The following FBXL13 variants were observed in gnomAD, a reference collection of about 807,000 sequenced individuals.
The protein encoded by FBXL13 is F-box and leucine rich repeat protein 13, also known as F-box and leucine-rich repeat protein 13.
A neutral mutation model predicts 83.6 loss-of-function variants in FBXL13; 67 were observed. The ratio of observed to expected loss-of-function variants is 0.80; its 90% CI spans 0.66 to 0.98. FBXL13 has a LOEUF of 0.98. FBXL13 is among the 50% of genes least tolerant of loss of function. The pLI, the probability that FBXL13 is intolerant of heterozygous loss-of-function variation, is 0.00. For missense variants in FBXL13, 822 were observed against 866.5 expected (o/e 0.95, Z 0.64); for synonymous variants, 272 against 299.5 (o/e 0.91, Z 0.95).
At chr7:102,837,834 C>T (rs953729977) in intron 17 of FBXL13, among the ~76,000 whole-genome samples, 3 of 152,236 alleles carry the variant, frequency 2.0e-5, no homozygotes, top group Admixed American at 1.3e-4. Flanking sequence ...TGAGCCACTA[C>T]GCCCAGGCAA....
chr7:103,015,952 A>G (rs1156931099), intron 6 of FBXL13, among the ~76,000 whole-genome samples: 2 of 152,214 alleles, frequency 1.3e-5, no homozygotes, highest in Non-Finnish European at 2.9e-5. Flanking sequence ...GCTATAACCA[A>G]GGAGGTGAAA....
chr7:102,963,074 T>C (rs2129479503), intron 8 of FBXL13, among the ~76,000 whole-genome samples: 1 of 150,222 alleles, frequency 6.7e-6, no homozygotes. Flanking sequence ...ATCCCAGCAC[T>C]TTGGGAGGCC....
chr7:102,872,310 T>C (rs1398543278), intron 16 of FBXL13, among the ~76,000 whole-genome samples: 1 of 152,202 alleles, frequency 6.6e-6, no homozygotes, highest in Non-Finnish European at 1.5e-5. Context: ...AGCATTTTTT[T>C]CCTTCATTCA....
intron 6 of FBXL13, among the ~76,000 whole-genome samples, chr7:103,007,359 A>G (rs1246457782): frequency 6.6e-6 from 1 of 152,046 alleles, no homozygotes; most frequent in African/African-American, 2.4e-5. Flanking sequence ...AAAAAGACAC[A>G]CTACTTACAA....
intron 17 of FBXL13, among the ~76,000 whole-genome samples, chr7:102,851,140 A>G (rs1805151683): frequency 6.6e-6 from 1 of 152,050 alleles, no homozygotes; most frequent in African/African-American, 2.4e-5. Flanking sequence ...TATTCTTACT[A>G]CCTTAACATT....
chr7:102,861,843 A>G (rs1364835499), intron 16 of FBXL13, among the ~76,000 whole-genome samples: 1 of 151,888 alleles, frequency 6.6e-6, no homozygotes, highest in African/African-American at 2.4e-5. Flanking sequence ...TTATCCGGGC[A>G]TGGTGGCAGG....
At chr7:103,008,968 T>C (rs1791286715) in intron 6 of FBXL13, among the ~76,000 whole-genome samples, 1 of 152,158 alleles carries the variant, frequency 6.6e-6, no homozygotes, top group Non-Finnish European at 1.5e-5. Context: ...AATAAAAGCA[T>C]ACTCTTGTTA....
chr7:102,964,465 C>T (rs1182182452), intron 7 of FBXL13, among the ~76,000 whole-genome samples: 10 of 150,004 alleles, frequency 6.7e-5, no homozygotes, highest in African/African-American at 2.0e-4. Flanking sequence ...TGCAGTGGCA[C>T]GATCTTGGCT....
chr7:103,048,186 G>C (rs1442773529), intron 2 of FBXL13, among the ~76,000 whole-genome samples: 1 of 152,040 alleles, frequency 6.6e-6, no homozygotes, highest in Non-Finnish European at 1.5e-5. Context: ...CCATTTTAAA[G>C]CTGAAATTTA....
chr7:102,878,743 G>A (rs888126199), intron 14 of FBXL13, among the ~76,000 whole-genome samples: 21 of 152,110 alleles, frequency 1.4e-4, no homozygotes, highest in African/African-American at 4.8e-4. Flanking sequence ...GGGTTAAAAA[G>A]TGATCAAGTT....
chr7:102,838,397 T>G (rs1802371595), intron 17 of FBXL13, among the ~76,000 whole-genome samples: 1 of 152,086 alleles, frequency 6.6e-6, no homozygotes, highest in Non-Finnish European at 1.5e-5. Context: ...TTGTATGCAC[T>G]GCTTCTCTGT....
chr7:103,032,688 T>C (rs902328578), intron 2 of FBXL13, among the ~76,000 whole-genome samples: 3 of 152,236 alleles, frequency 2.0e-5, no homozygotes, highest in African/African-American at 7.2e-5. Context: ...TGGGATAACA[T>C]TGGCCTAAAT....
At chr7:103,005,765 G>C (rs1790923968) in intron 6 of FBXL13, among the ~76,000 whole-genome samples, 1 of 151,950 alleles carries the variant, frequency 6.6e-6, no homozygotes, top group African/African-American at 2.4e-5. Flanking sequence ...TTCAAATATA[G>C]TACATTGAGG....
At chr7:102,905,176 G>A (rs1032571271) in intron 11 of FBXL13, among the ~76,000 whole-genome samples, 1 of 152,122 alleles carries the variant, frequency 6.6e-6, no homozygotes, top group African/African-American at 2.4e-5. Context: ...TTGCTTTTCT[G>A]TCTGGAAGAT....
At chr7:102,938,335 A>T (rs527915915) in intron 8 of FBXL13, among the ~76,000 whole-genome samples, 29 of 152,340 alleles carry the variant, frequency 1.9e-4, no homozygotes, top group Middle Eastern at 3.4e-3. Context: ...CTACAGCTTG[A>T]ACAATAGTTA....
intron 1 of FBXL13, among the ~76,000 whole-genome samples, chr7:103,073,837 C>T (rs920232314): frequency 2.6e-5 from 4 of 152,180 alleles, no homozygotes; most frequent in Non-Finnish European, 5.9e-5. Flanking sequence ...AGGACCTCCT[C>T]TTTCTTTCCC....
At chr7:102,883,870 C>T (rs1023333166) in intron 12 of FBXL13, among the ~76,000 whole-genome samples, 185 bp from the exon 14 acceptor site, 11 of 151,972 alleles carry the variant, frequency 7.2e-5, no homozygotes, top group Admixed American at 6.6e-5. Flanking sequence ...GTGGAGGAAT[C>T]AGAATTAAAT....
At chr7:102,927,090 A>G (rs1418928209) in intron 9 of FBXL13, among the ~76,000 whole-genome samples, 1 of 152,216 alleles carries the variant, frequency 6.6e-6, no homozygotes, top group African/African-American at 2.4e-5. Flanking sequence ...AGAGACAGAA[A>G]AACAGAGGTT....
chr7:102,896,041 A>G (rs1403175912), intron 11 of FBXL13, among the ~76,000 whole-genome samples: 1 of 152,250 alleles, frequency 6.6e-6, no homozygotes, highest in African/African-American at 2.4e-5. Context: ...GAAACCCTGC[A>G]GCATGAGCCT....
Sources: gnomAD v4.1 joint callset for allele counts (sites outside exome capture counted in the v4.1 genomes callset) on GRCh38, gnomAD v4.1.1 for gene constraint, MANE v1.5 for transcripts, NCBI Gene and HGNC (gene_info 2026-07-23, HGNC 2026-07-21) for gene names.